SERPINA12: variants seen among roughly 807,000 people sequenced by gnomAD.
SERPINA12 encodes the protein serpin A12.
Under a neutral mutation model 25.9 loss-of-function variants are expected in SERPINA12, and 21 were observed. That is an observed-to-expected ratio of 0.81 (90% CI 0.58 to 1.17). The LOEUF (loss-of-function observed/expected upper bound fraction) is 1.17. Ranked by LOEUF, SERPINA12 falls within the 50% of genes most tolerant of loss-of-function variation. The probability of loss-of-function intolerance (pLI) is 0.00; values close to 1 mark genes in which losing one functional copy is unlikely to be tolerated. For missense variants in SERPINA12, 562 were observed against 508.3 expected, an observed-to-expected ratio of 1.11 and a Z score of -1.02; for synonymous variants, 220 against 196.0, an observed-to-expected ratio of 1.12 and a Z score of -1.02.
Position 94,489,615 on chromosome 14 carries a change from C to T in SERPINA12, c.1053+5G>A. ...GGGAGTGGAGTCCAGGCTAGGCAGG[C>T]TTACCTCGCCCACTTTCAGGCTGCG... On this transcript the variant is annotated splice_donor_5th_base_variant and intron_variant, in intron 4 of 4. Coordinates refer to ENST00000677451, the MANE Select transcript of SERPINA12 (RefSeq NM_001382267.1). 1.2e-6 allele frequency: 2 copies of T among 1,613,556 alleles called. No individual in the cohort carries two copies. The highest frequency in any genetic ancestry group is 1.7e-6 in the Non-Finnish European group (2 of 1,179,750).
At chr14:94,499,459 C>A (rs762315933) in intron 1 of SERPINA12, among the ~76,000 whole-genome samples, 1 of 152,228 alleles carries the variant, frequency 6.6e-6, no homozygotes, top group Non-Finnish European at 1.5e-5. Flanking sequence ...GCCTAAAAAG[C>A]TTATTGATTT....
chr14:94,509,209 C>T (rs767842688), intron 1 of SERPINA12, among the ~76,000 whole-genome samples, 133 bp downstream of exon 1: 29 of 152,024 alleles, frequency 1.9e-4, no homozygotes, highest in East Asian at 1.2e-3. Context: ...ATGAGAAGGA[C>T]GCAGAATGTC....
At chr14:94,490,856 G>A (rs554118225) in intron 3 of SERPINA12, among the ~76,000 whole-genome samples, 1 of 152,178 alleles carries the variant, frequency 6.6e-6, no homozygotes, top group South Asian at 2.1e-4. Context: ...AGCATTCCAG[G>A]TCCACCCCTT....
intron 1 of SERPINA12, among the ~76,000 whole-genome samples, chr14:94,502,633 C>T (rs1417205623): frequency 6.6e-6 from 1 of 152,188 alleles, no homozygotes; most frequent in Admixed American, 6.5e-5. Flanking sequence ...AGGCAGGTCA[C>T]TCCTCTCCTG....
rs1899965246 is a variant in SERPINA12 at position 94,487,738 on chromosome 14, G to A, written c.1054-244C>T. Among the ~76,000 whole-genome samples, 2 of 152,276 alleles carry A rather than the reference G, an allele frequency of 1.3e-5. 1 individual carries two copies. ...CATCAGTTACGGGAGTCGGTGGGGG[G>A]AGAGATGGAGTGGGGTTTGCTTCTC... On this transcript the variant is annotated intron_variant, in intron 4 of 4. Coordinates refer to ENST00000677451, the MANE Select transcript of SERPINA12 (RefSeq NM_001382267.1).
intron 1 of SERPINA12, among the ~76,000 whole-genome samples, chr14:94,505,758 G>T (rs879290946): frequency 2.6e-5 from 4 of 152,216 alleles, no homozygotes; most frequent in Non-Finnish European, 4.4e-5. Flanking sequence ...ATTTCCACGG[G>T]AGACATGCAG....
intron 2 of SERPINA12, among the ~76,000 whole-genome samples, chr14:94,496,944 G>A (rs1162164849): frequency 6.6e-6 from 1 of 152,154 alleles, no homozygotes; most frequent in African/African-American, 2.4e-5. Flanking sequence ...CTAACAGAGG[G>A]GACTGCATTA....
At chr14:94,490,466 A>T (rs970573326) in intron 3 of SERPINA12, among the ~76,000 whole-genome samples, 7 of 151,578 alleles carry the variant, frequency 4.6e-5, no homozygotes, top group Non-Finnish European at 1.0e-4. Flanking sequence ...CTGGCCTTGC[A>T]CCCTATTTTC....
chr14:94,502,344 T>C (rs7160070), intron 1 of SERPINA12, among the ~76,000 whole-genome samples: 19,002 of 152,134 alleles, frequency 0.12, 1,408 homozygotes, highest in African/African-American at 0.21. Flanking sequence ...ACAGGTAGCA[T>C]AGGCGGCTTA....
At chr14:94,496,690 A>T (rs1566808833) in intron 2 of SERPINA12, 47 bp from the exon 3 acceptor site, 5 of 1,558,176 alleles carry the variant, frequency 3.2e-6, no homozygotes, top group Non-Finnish European at 3.5e-6. Context: ...AAGGGAAAAA[A>T]GGTGACTAAA....
intron 3 of SERPINA12, among the ~76,000 whole-genome samples, chr14:94,492,196 A>G (rs1248933363): frequency 6.6e-6 from 1 of 152,166 alleles, no homozygotes; most frequent in African/African-American, 2.4e-5. Flanking sequence ...GACCCTGGGA[A>G]GGGAGCTTTC....
chr14:94,500,005 C>T (rs1056952826), intron 1 of SERPINA12, among the ~76,000 whole-genome samples: 11 of 152,170 alleles, frequency 7.2e-5, no homozygotes, highest in African/African-American at 2.7e-4. Context: ...GGAACTGGGT[C>T]AGCCACCAAC....
intron 4 of SERPINA12, among the ~76,000 whole-genome samples, chr14:94,488,126 A>G (rs906859641): frequency 3.3e-5 from 5 of 152,250 alleles, no homozygotes; most frequent in African/African-American, 4.8e-5. Flanking sequence ...ACGTAACTAC[A>G]GAAAGAAATG....
rs200497328 is a variant in SERPINA12 at position 94,497,854 on chromosome 14, T to G, written c.544A>C (p.Ser182Arg). ...MAQKQINDFI[S>R]QKTHGKINNL... ...TTAATTTTCCCATGGGTTTTTTGAC[T>G]GATAAAGTCATTGATCTGCTTCTGA... is the stretch of plus-strand genomic sequence containing the variant. Residue 182 changes from serine (S) to arginine (R), a missense_variant, in exon 2 of 5, where the codon AGT becomes CGT. Physicochemically the swap from Ser to Arg is moderately radical, Grantham distance 110. Transcript: ENST00000677451. 2.7e-5 allele frequency: 44 copies of G among 1,614,088 alleles called. No homozygotes were observed. Among genetic ancestry groups the G allele is most frequent in the Non-Finnish European group, 3.1e-5 (36 of 1,180,044 alleles).
chr14:94,515,608 G>T (rs564170522), intron 2 of SERPINA12, among the ~76,000 whole-genome samples: 2 of 152,314 alleles, frequency 1.3e-5, no homozygotes, highest in Non-Finnish European at 2.9e-5. Context: ...GGGACAGCCA[G>T]GTTCTGTGCT....
chr14:94,504,510 T>C (rs114833783), intron 1 of SERPINA12, among the ~76,000 whole-genome samples: 3,697 of 152,362 alleles, frequency 0.024, 59 homozygotes, highest in African/African-American at 0.049. Flanking sequence ...TGGGAACAGG[T>C]TGATAACTGG....
At chr14:94,505,208 T>C (rs957077441) in intron 1 of SERPINA12, among the ~76,000 whole-genome samples, 1 of 152,202 alleles carries the variant, frequency 6.6e-6, no homozygotes, top group African/African-American at 2.4e-5. Flanking sequence ...AAGACATGAC[T>C]CTCATTCCCA....
At chr14:94,514,632 T>C (rs1334809127) in intron 2 of SERPINA12, among the ~76,000 whole-genome samples, 2 of 152,178 alleles carry the variant, frequency 1.3e-5, no homozygotes, top group Non-Finnish European at 2.9e-5. Flanking sequence ...TGTCCGGCAG[T>C]TGGGGCCGGA....
intron 1 of SERPINA12, among the ~76,000 whole-genome samples, chr14:94,506,877 G>A (rs778842402): frequency 3.9e-5 from 6 of 152,150 alleles, no homozygotes; most frequent in Non-Finnish European, 8.8e-5. Context: ...TGATTCCCAG[G>A]TCTTTTAAAG....
Sources: gnomAD v4.1 joint callset for allele counts (sites outside exome capture counted in the v4.1 genomes callset) on GRCh38, gnomAD v4.1.1 for gene constraint, MANE v1.5 for transcripts, NCBI Gene and HGNC (gene_info 2026-07-23, HGNC 2026-07-21) for gene names.